Variants in STK39 observed in about 807,000 individuals in gnomAD.
STK39 encodes STE20/SPS1-related proline-alanine-rich protein kinase.
STK39 carries 20 observed loss-of-function variants against 77.8 expected under a neutral mutation model. The ratio of observed to expected loss-of-function variants is 0.26; its 90% CI spans 0.18 to 0.37. The LOEUF is 0.37. Ranked by LOEUF, STK39 falls within the 10% of genes least tolerant of loss-of-function variation. The pLI, the probability that STK39 is intolerant of heterozygous loss-of-function variation, is 1.00. For synonymous variants in STK39, 246 were observed against 234.1 expected (o/e 1.05, Z -0.47); for missense variants, 479 against 656.5 (o/e 0.73, Z 2.95).
At chr2:168,170,840 T>C (rs1380662169) in intron 2 of STK39, among the ~76,000 whole-genome samples, 1 of 152,130 alleles carries the variant, frequency 6.6e-6, no homozygotes. Context: ...TAAGGGAGAC[T>C]GTTGTACTAA....
At chr2:168,086,644 A>G (rs891653548) in intron 10 of STK39, among the ~76,000 whole-genome samples, 4 of 152,264 alleles carry the variant, frequency 2.6e-5, no homozygotes, top group Non-Finnish European at 5.9e-5. Flanking sequence ...AAAAATACTC[A>G]GCTAGTTTGG....
At chr2:168,200,202 G>T (rs1361386466) in intron 1 of STK39, among the ~76,000 whole-genome samples, 1 of 152,150 alleles carries the variant, frequency 6.6e-6, no homozygotes, top group African/African-American at 2.4e-5. Flanking sequence ...TGAGAAGTGG[G>T]AAAGGCTACA....
intron 10 of STK39, among the ~76,000 whole-genome samples, chr2:168,110,124 G>A (rs1687083093): frequency 6.6e-6 from 1 of 152,100 alleles, no homozygotes; most frequent in Admixed American, 6.5e-5. Flanking sequence ...AAAGCAATAG[G>A]TTTTCTTTAT....
chr2:168,016,416 A>AAAC (rs1559058098), intron 15 of STK39, among the ~76,000 whole-genome samples: 1 of 145,042 alleles, frequency 6.9e-6, no homozygotes, highest in African/African-American at 2.7e-5. Flanking sequence ...AAAAAAAACA[A>AAAC]CACTACTGAA....
intron 16 of STK39, among the ~76,000 whole-genome samples, chr2:167,992,105 A>T (rs778825240): frequency 6.6e-6 from 1 of 152,232 alleles, no homozygotes; most frequent in Non-Finnish European, 1.5e-5. Flanking sequence ...AATGAGTCTG[A>T]AGTTCAAAAG....
intron 10 of STK39, among the ~76,000 whole-genome samples, chr2:168,087,098 A>AG (rs1261261532): frequency 3.3e-5 from 5 of 152,272 alleles, no homozygotes; most frequent in Non-Finnish European, 7.3e-5. Context: ...CAAATAGCAC[A>AG]GAAGAGAAAA....
chr2:167,975,693 G>A (rs1366873740), intron 16 of STK39, among the ~76,000 whole-genome samples: 1 of 152,124 alleles, frequency 6.6e-6, no homozygotes, highest in Non-Finnish European at 1.5e-5. Context: ...GGGTTCCTGT[G>A]GTCCCAGCTA....
rs931105845 is a variant in STK39, at chr2:167,954,084, G to A, written c.*1412C>T. On this transcript the variant is annotated 3_prime_UTR_variant, in exon 18 of 18. Transcript: ENST00000355999. ...GCAGTCATCTTCGAGTAATCGTTGT[G>A]TAAACAATAGAATGGAATGAAATTA... 1 of 152,580 alleles carries A rather than the reference G, an allele frequency of 6.6e-6. No individual in the cohort carries two copies. The highest frequency in any genetic ancestry group is 2.4e-5 in the African/African-American group (1 of 41,418). 9.5% of individuals were successfully genotyped at this position (152,580 alleles called of 1,614,324 possible).
At chr2:168,095,395 AG>A (rs1359701836) in intron 10 of STK39, among the ~76,000 whole-genome samples, 1 of 152,136 alleles carries the variant, frequency 6.6e-6, no homozygotes, top group Non-Finnish European at 1.5e-5. Flanking sequence ...CAGATTTCTG[AG>A]TTCTACCCAA....
At chr2:167,993,717 T>C (rs1401458647) in intron 16 of STK39, among the ~76,000 whole-genome samples, 1 of 152,226 alleles carries the variant, frequency 6.6e-6, no homozygotes, top group East Asian at 1.9e-4. Context: ...CTGTTACTTG[T>C]AGCTTAAACC....
At chr2:168,162,397 T>C (rs1219208397) in intron 4 of STK39, among the ~76,000 whole-genome samples, 1 of 151,908 alleles carries the variant, frequency 6.6e-6, no homozygotes, top group Admixed American at 6.6e-5. Context: ...ATGAAATAAT[T>C]ATCCAAATTT....
intron 10 of STK39, among the ~76,000 whole-genome samples, chr2:168,102,956 ATCTCT>A (rs1319270471): frequency 7.0e-6 from 1 of 143,346 alleles, no homozygotes; most frequent in Non-Finnish European, 1.5e-5. Flanking sequence ...AAAAAAAAAA[ATCTCT>A]TCTCTGGGTG....
intron 14 of STK39, among the ~76,000 whole-genome samples, chr2:168,037,389 A>C (rs192386258): frequency 1.1e-4 from 16 of 152,362 alleles, no homozygotes; most frequent in African/African-American, 3.8e-4. Flanking sequence ...GTTGTTTGGC[A>C]ATGTTTCCAA....
At chr2:168,241,667 C>G (rs982178809) in intron 1 of STK39, among the ~76,000 whole-genome samples, 1 of 152,234 alleles carries the variant, frequency 6.6e-6, no homozygotes, top group Non-Finnish European at 1.5e-5. Context: ...AAACATAGCA[C>G]AGAAATCTTC....
intron 1 of STK39, among the ~76,000 whole-genome samples, chr2:168,200,175 C>G (rs1471004197): frequency 6.6e-6 from 1 of 152,152 alleles, no homozygotes; most frequent in Non-Finnish European, 1.5e-5. Context: ...GCATCAAAAC[C>G]TATACATCAA....
At chr2:167,998,905 T>C (rs1683921453) in intron 16 of STK39, among the ~76,000 whole-genome samples, 1 of 152,176 alleles carries the variant, frequency 6.6e-6, no homozygotes, top group East Asian at 1.9e-4. Flanking sequence ...AGCAAAGGAG[T>C]CTAATGAAAC....
At chr2:168,171,253 C>T (rs1032613615) in intron 2 of STK39, among the ~76,000 whole-genome samples, 11 of 152,132 alleles carry the variant, frequency 7.2e-5, no homozygotes, top group East Asian at 1.9e-4. Flanking sequence ...GCCACAGCAG[C>T]ACCCCTCTGC....
intron 16 of STK39, among the ~76,000 whole-genome samples, chr2:167,983,193 A>C (rs1228346942): frequency 1.3e-5 from 2 of 152,088 alleles, no homozygotes; most frequent in Non-Finnish European, 2.9e-5. Flanking sequence ...AAATTGTAGG[A>C]AATAGGCCAG....
intron 12 of STK39, among the ~76,000 whole-genome samples, chr2:168,072,094 A>C (rs147390970): frequency 0.02 from 3,120 of 152,314 alleles, 110 homozygotes; most frequent in African/African-American, 0.072. Context: ...AAAAAGAGGC[A>C]GATCTATAGT....
Sources: gnomAD v4.1 joint callset for allele counts (sites outside exome capture counted in the v4.1 genomes callset) on GRCh38, gnomAD v4.1.1 for gene constraint, MANE v1.5 for transcripts, NCBI Gene and HGNC (gene_info 2026-07-23, HGNC 2026-07-21) for gene names.